MYO3A: variants seen among roughly 807,000 people sequenced by gnomAD.
MYO3A encodes myosin-IIIa.
In MYO3A, 180 loss-of-function variants were observed where a neutral mutation model predicts 192.7. The observed-to-expected ratio is 0.93, with a 90% CI of 0.83 to 1.06. The LOEUF is 1.06. Ranked by LOEUF, MYO3A falls within the 50% of genes least tolerant of loss-of-function variation. The pLI is 0.00. For synonymous variants in MYO3A, 628 were observed against 645.3 expected (o/e 0.97, Z 0.41); for missense variants, 1,896 against 1,905.0 (o/e 1.00, Z 0.09).
rs1841008355 is a variant in MYO3A, at chr10:26,154,763, C to A, written c.2733C>A (p.Ala911=). The A allele has an allele frequency of 6.2e-7, 1 of 1,613,700 alleles. No individual in the cohort carries two copies. ...CTCCTTAGGGCGACACTGGAGAAGCCACACGTCATGCCAGAGAGACAACCA... is the reference window on the plus strand; with the variant it reads ...CTCCTTAGGGCGACACTGGAGAAGCAACACGTCATGCCAGAGAGACAACCA... ...INLAKGDTGE[A]TRHARETTNM... is the part of the protein sequence containing the mutation. The change falls in exon 25 of 35, where the codon GCC becomes GCA. Residue 911 remains alanine, a synonymous_variant. Coordinates refer to ENST00000642920, the MANE Select transcript of MYO3A (RefSeq NM_017433.5).
chr10:26,049,673 CTTTTT>C (rs66467075), intron 10 of MYO3A, among the ~76,000 whole-genome samples: 2 of 69,114 alleles, frequency 2.9e-5, no homozygotes, highest in African/African-American at 1.0e-4. Flanking sequence ...TTCTTTCTTT[CTTTTT>C]TTTTTTTTTT....
intron 17 of MYO3A, among the ~76,000 whole-genome samples, chr10:26,107,253 G>C (rs931812285): frequency 6.6e-6 from 1 of 152,024 alleles, no homozygotes; most frequent in Non-Finnish European, 1.5e-5. Flanking sequence ...AGGCCGAGGC[G>C]GGTGGATCAC....
At chr10:25,941,718 T>G (rs1378077022) in intron 2 of MYO3A, among the ~76,000 whole-genome samples, 1 of 152,200 alleles carries the variant, frequency 6.6e-6, no homozygotes, top group East Asian at 1.9e-4. Context: ...CTCCAGAAAT[T>G]TTTTATTTTC....
chr10:26,095,280 A>G (rs1356367917), intron 15 of MYO3A, among the ~76,000 whole-genome samples: 1 of 152,214 alleles, frequency 6.6e-6, no homozygotes, highest in Non-Finnish European at 1.5e-5. Flanking sequence ...TGGTTGAGAC[A>G]TAATTAATTT....
At chr10:26,126,526 C>G (rs548320567) in intron 19 of MYO3A, among the ~76,000 whole-genome samples, 1 of 152,000 alleles carries the variant, frequency 6.6e-6, no homozygotes, top group African/African-American at 2.4e-5. Flanking sequence ...GCTTGTGTAC[C>G]TCCTGGGTAC....
At chr10:25,938,688 G>T (rs1836276337) in intron 2 of MYO3A, among the ~76,000 whole-genome samples, 3 of 152,172 alleles carry the variant, frequency 2.0e-5, no homozygotes, top group African/African-American at 7.2e-5. Flanking sequence ...GTGTATAAAA[G>T]TGAGACTCAT....
intron 20 of MYO3A, among the ~76,000 whole-genome samples, chr10:26,130,150 G>A (rs1314359236): frequency 6.6e-6 from 1 of 151,942 alleles, no homozygotes; most frequent in East Asian, 1.9e-4. Context: ...TGTCACCCAG[G>A]CTGTAGTGCA....
Position 26,153,899 on chromosome 10 carries a change from G to T in MYO3A, c.2685G>T (p.Arg895Ser), listed in dbSNP as rs1398698112. 2 of 1,595,894 alleles carry T rather than the reference G, an allele frequency of 1.3e-6. No homozygotes were observed. The highest frequency in any genetic ancestry group is 1.7e-6 in the Non-Finnish European group (2 of 1,163,938). ...AAAATGTTATAAACTATCAAATGAG[G>T]ACTTCAGAAAAATTAATCAACCTGG... The part of the protein sequence containing the change: ...KTKNVINYQM[R>S]TSEKLINLAK... Residue 895 changes from arginine (R) to serine (S), a missense_variant, in exon 24 of 35, where the codon AGG (arginine) becomes AGT (serine). Transcript: ENST00000642920.
At chr10:26,069,189 A>G (rs889233585) in intron 12 of MYO3A, among the ~76,000 whole-genome samples, 1 of 151,236 alleles carries the variant, frequency 6.6e-6, no homozygotes, top group African/African-American at 2.4e-5. Context: ...AAATCTGCTT[A>G]AAAAGGTATG....
intron 10 of MYO3A, among the ~76,000 whole-genome samples, chr10:26,038,797 A>T (rs1266522563): frequency 6.6e-6 from 1 of 152,168 alleles, no homozygotes; most frequent in African/African-American, 2.4e-5. Flanking sequence ...CCCATTCCGT[A>T]TGATAGTAGT....
chr10:26,143,622 G>A (rs755413635), intron 21 of MYO3A, 21 bp downstream of exon 21: 1 of 1,613,064 alleles, frequency 6.2e-7, no homozygotes, highest in Non-Finnish European at 8.5e-7. Flanking sequence ...AGTCCAGTGT[G>A]TCTGCATGGT....
intron 2 of MYO3A, among the ~76,000 whole-genome samples, chr10:25,951,121 C>T (rs1411524682): frequency 1.3e-5 from 2 of 152,022 alleles, no homozygotes; most frequent in South Asian, 4.1e-4. Flanking sequence ...AGGTATTGGA[C>T]ATACAGTAAT....
At chr10:26,106,578 A>G (rs1837816032) in intron 17 of MYO3A, among the ~76,000 whole-genome samples, 1 of 152,054 alleles carries the variant, frequency 6.6e-6, no homozygotes, top group African/African-American at 2.4e-5. Context: ...CTCTGAGTCT[A>G]GTTTCTGATT....
intron 4 of MYO3A, among the ~76,000 whole-genome samples, chr10:25,958,977 T>C (rs1837738980): frequency 6.6e-6 from 1 of 152,268 alleles, no homozygotes; most frequent in Non-Finnish European, 1.5e-5. Flanking sequence ...TGACTGTTTT[T>C]GGTGTATAGG....
At chr10:26,166,213 A>C (rs758051646) in intron 27 of MYO3A, 35 bp downstream of exon 27, 2 of 1,483,466 alleles carry the variant, frequency 1.3e-6, no homozygotes, top group South Asian at 2.3e-5. Flanking sequence ...GAAAATAAAT[A>C]ATTATGCTGG....
At chr10:26,154,604 A>G (rs1298639627) in intron 24 of MYO3A, 142 bp from the exon 25 acceptor site, 1 of 727,346 alleles carries the variant, frequency 1.4e-6, no homozygotes, top group Non-Finnish European at 2.4e-6. Flanking sequence ...ACAATTACCT[A>G]AAGGAAGAAT....
chr10:26,032,651 A>T (rs1485866433), intron 10 of MYO3A, among the ~76,000 whole-genome samples: 1 of 152,082 alleles, frequency 6.6e-6, no homozygotes, highest in Non-Finnish European at 1.5e-5. Flanking sequence ...CCAACAAAAA[A>T]AACACACAGC....
chr10:26,174,907 T>C (rs1165737170), intron 30 of MYO3A, among the ~76,000 whole-genome samples: 1 of 152,192 alleles, frequency 6.6e-6, no homozygotes, highest in African/African-American at 2.4e-5. Flanking sequence ...TTAAGTTTTC[T>C]AAATCCTCCA....
chr10:26,131,309 T>C lies in MYO3A; in HGVS notation c.2262+2771T>C, dbSNP rs567004043. Reference sequence around the variant, plus strand: ...TGAATATCATAATATCATTTTCCCATTGCCTTCCATTAAAAAAAGATCAAG... The same window carrying C: ...TGAATATCATAATATCATTTTCCCACTGCCTTCCATTAAAAAAAGATCAAG... On this transcript the variant is annotated intron_variant, in intron 20 of 34. Coordinates refer to ENST00000642920, the MANE Select transcript of MYO3A (RefSeq NM_017433.5). 1.5e-3 allele frequency among the ~76,000 whole-genome samples: 227 copies of C among 151,228 alleles called. 4 individuals are homozygous for C. Among genetic ancestry groups the C allele is most frequent in the Non-Finnish European group, 2.8e-4 (19 of 67,826 alleles).
Sources: allele counts gnomAD v4.1 joint callset (sites outside exome capture counted in the v4.1 genomes callset), GRCh38; gene constraint gnomAD v4.1.1; transcripts MANE v1.5; gene names NCBI Gene and HGNC (gene_info 2026-07-23, HGNC 2026-07-21).